PCSK5: variants seen among roughly 807,000 people sequenced by gnomAD.
The protein encoded by PCSK5 is prohormone convertase 5.
Under a neutral mutation model 233.2 loss-of-function variants are expected in PCSK5, and 129 were observed. The ratio of observed to expected loss-of-function variants is 0.55; its 90% CI spans 0.48 to 0.64. The LOEUF is 0.64. Among genes scored for constraint, PCSK5 ranks in the 30% least tolerant of loss-of-function variants. PCSK5 has a pLI of 0.00. For missense variants in PCSK5, 2,076 were observed against 2,430.1 expected (o/e 0.85, Z 3.06); for synonymous variants, 825 against 879.2 (o/e 0.94, Z 1.09).
chr9:76,273,564 A>AAT (rs1336491411), intron 24 of PCSK5, among the ~76,000 whole-genome samples: 4,920 of 74,648 alleles, frequency 0.066, 161 homozygotes, highest in East Asian at 0.13. Context: ...ACAAAATAGT[A>AAT]ATATATATAT....
intron 20 of PCSK5, among the ~76,000 whole-genome samples, chr9:76,202,185 A>G (rs1414855283): frequency 1.3e-5 from 2 of 152,194 alleles, no homozygotes; most frequent in Admixed American, 1.3e-4. Context: ...ATCAGATCCA[A>G]CACCAAGTCA....
chr9:76,046,160 G>GTTTTTTTTTTCTTTTTTTTT (rs1829368467), intron 5 of PCSK5, among the ~76,000 whole-genome samples: 1 of 58,024 alleles, frequency 1.7e-5, no homozygotes, highest in Non-Finnish European at 3.1e-5. Flanking sequence ...TTTTTCTTTT[G>GTTTTTTTTTTCTTTTTTTTT]TTTTTTTTTT....
Position 75,901,068 on chromosome 9 carries a change from G to A in PCSK5, c.192+9695G>A, listed in dbSNP as rs189222335. On this transcript the variant is annotated intron_variant, in intron 1 of 37. Transcript: ENST00000674117. ...TAAAGAGGAAGGAAGGGCGAGTGGC[G>A]AGTCAGAGGAATTCCGCTGAGGAGG... Among the ~76,000 whole-genome samples, 7 of 152,254 alleles carry A rather than the reference G, an allele frequency of 4.6e-5. No individual in the cohort carries two copies. The East Asian group carries it at 7.7e-4, about 17-fold the overall frequency.
In PCSK5 at chr9:76,281,621, G is replaced by A. The variant is rs1483549754; in HGVS notation, c.3143-10612G>A. On this transcript the variant is annotated intron_variant, in intron 24 of 37. Coordinates refer to ENST00000674117, the MANE Select transcript of PCSK5 (RefSeq NM_001372043.1). ...CTGCTAACAGGACATTGATTCTGCAGCCCATGGATTGAAGAGTAATTTCAA... is the reference window on the plus strand; with the variant it reads ...CTGCTAACAGGACATTGATTCTGCAACCCATGGATTGAAGAGTAATTTCAA... 2.0e-5 allele frequency among the ~76,000 whole-genome samples: 3 copies of A among 152,280 alleles called. No individual in the cohort carries two copies. The East Asian group carries it at 5.8e-4, about 29-fold the overall frequency.
chr9:76,027,115 TCTTC>T, intron 5 of PCSK5, 78 bp downstream of exon 5: 1 of 856,202 alleles, frequency 1.2e-6, no homozygotes, highest in Non-Finnish European at 1.9e-6. Context: ...GGAAGTATTT[TCTTC>T]AAAATCCTTG....
At chr9:75,964,994 C>G (rs1226104428) in intron 2 of PCSK5, among the ~76,000 whole-genome samples, 1 of 152,122 alleles carries the variant, frequency 6.6e-6, no homozygotes, top group Non-Finnish European at 1.5e-5. Context: ...CAGAGGCAGG[C>G]CTGAGGGGGA....
At chr9:76,317,089 G>C (rs1829054590) in intron 30 of PCSK5, among the ~76,000 whole-genome samples, 1 of 151,956 alleles carries the variant, frequency 6.6e-6, no homozygotes, top group Non-Finnish European at 1.5e-5. Flanking sequence ...ATGACTTTTT[G>C]GCTGGGCACA....
At chr9:75,952,382 A>G (rs1824901526) in intron 2 of PCSK5, among the ~76,000 whole-genome samples, 1 of 152,184 alleles carries the variant, frequency 6.6e-6, no homozygotes, top group Non-Finnish European at 1.5e-5. Context: ...CATTGTCTCC[A>G]TACTGAAGCC....
chr9:76,206,644 C>T (rs1587758233), intron 20 of PCSK5, among the ~76,000 whole-genome samples: 1 of 152,226 alleles, frequency 6.6e-6, no homozygotes, highest in East Asian at 1.9e-4. Context: ...GCAAACAAGG[C>T]TATTGCCTGA....
chr9:76,000,827 T>G (rs1156634238), intron 3 of PCSK5, among the ~76,000 whole-genome samples: 1 of 152,184 alleles, frequency 6.6e-6, no homozygotes, highest in Non-Finnish European at 1.5e-5. Context: ...CAGTATATTC[T>G]TTTTCTGGTA....
intron 1 of PCSK5, among the ~76,000 whole-genome samples, chr9:75,902,214 T>TTAAAAAAAAAA (rs1554703242): frequency 9.4e-5 from 5 of 53,300 alleles, no homozygotes; most frequent in African/African-American, 8.0e-5. Context: ...AGACACCATC[T>TTAAAAAAAAAA]AAAAAAAAAA....
intron 20 of PCSK5, among the ~76,000 whole-genome samples, chr9:76,219,371 G>A (rs1208648853): frequency 6.6e-6 from 1 of 152,132 alleles, no homozygotes; most frequent in Non-Finnish European, 1.5e-5. Context: ...TTAAAAGCAA[G>A]TTATGAAAGC....
intron 9 of PCSK5, among the ~76,000 whole-genome samples, chr9:76,110,963 C>T (rs1832188119): frequency 6.6e-6 from 1 of 152,010 alleles, no homozygotes; most frequent in Admixed American, 6.6e-5. Context: ...AAAAATTAGC[C>T]AGGCGTGGTA....
At chr9:76,347,054 T>C (rs1829998898) in intron 35 of PCSK5, among the ~76,000 whole-genome samples, 1 of 147,072 alleles carries the variant, frequency 6.8e-6, no homozygotes, top group Non-Finnish European at 1.5e-5. Context: ...ACTTATCCTC[T>C]GCATAAAATT....
At chr9:76,194,320 G>T (rs1039017154) in intron 20 of PCSK5, 1 of 151,984 alleles carries the variant, frequency 6.6e-6, no homozygotes, top group Non-Finnish European at 1.5e-5. Flanking sequence ...ATCTCTTCCT[G>T]GAGTCAAAAG....
In PCSK5 at chr9:76,142,992, G is replaced by A. The variant is rs528689210; in HGVS notation, c.1312+8780G>A. On this transcript the variant is annotated intron_variant, in intron 10 of 37. Coordinates refer to ENST00000674117, the MANE Select transcript of PCSK5 (RefSeq NM_001372043.1). The stretch of plus-strand genomic sequence containing the variant: ...AACAATAAATGGCCTCAAAAGTGTT[G>A]GAAAAAGCATAATCTGCCAATGATT... 3.1e-4 allele frequency among the ~76,000 whole-genome samples: 47 copies of A among 152,110 alleles called. No homozygotes were observed. In the South Asian group the frequency reaches 3.7e-3, roughly 12 times the overall value.
intron 8 of PCSK5, among the ~76,000 whole-genome samples, chr9:76,102,054 G>A (rs1831780546): frequency 1.3e-5 from 2 of 152,174 alleles, no homozygotes; most frequent in South Asian, 2.1e-4. Context: ...AAAAGGAAAC[G>A]TTGCTTCTGA....
chr9:76,352,120 C>T (rs1270213121), intron 36 of PCSK5, among the ~76,000 whole-genome samples: 2 of 152,182 alleles, frequency 1.3e-5, no homozygotes, highest in Non-Finnish European at 2.9e-5. Context: ...GACAGAGCAG[C>T]TGTGAGGGCT....
chr9:75,996,282 T>C (rs1184974584), intron 3 of PCSK5, among the ~76,000 whole-genome samples: 7 of 152,212 alleles, frequency 4.6e-5, no homozygotes, highest in African/African-American at 1.4e-4. Context: ...AGCAAAGATT[T>C]ATTTTTTCCA....
Sources: gnomAD v4.1 joint callset for allele counts (sites outside exome capture counted in the v4.1 genomes callset) on GRCh38, gnomAD v4.1.1 for gene constraint, MANE v1.5 for transcripts, NCBI Gene and HGNC (gene_info 2026-07-23, HGNC 2026-07-21) for gene names.